PTPRE: variants seen among roughly 807,000 people sequenced by gnomAD.
PTPRE encodes protein tyrosine phosphatase receptor type E.
A neutral mutation model predicts 102.0 loss-of-function variants in PTPRE; 51 were observed. The observed-to-expected ratio is 0.50, with a 90% CI of 0.40 to 0.63. PTPRE has a LOEUF of 0.63. Ranked by LOEUF, PTPRE falls within the 30% of genes least tolerant of loss-of-function variation. The pLI, the probability that PTPRE is intolerant of heterozygous loss-of-function variation, is 0.00. For synonymous variants in PTPRE, 345 were observed against 348.2 expected, an observed-to-expected ratio of 0.99 and a Z score of 0.10; for missense variants, 752 against 915.1, an observed-to-expected ratio of 0.82 and a Z score of 2.30.
At chr10:127,946,978 G>C (rs1189979135) in intron 1 of PTPRE, among the ~76,000 whole-genome samples, 1 of 147,276 alleles carries the variant, frequency 6.8e-6, no homozygotes, top group Non-Finnish European at 1.5e-5. Flanking sequence ...CCATGATTGT[G>C]CCACTACACT....
chr10:127,988,636 TG>T (rs2135495000), intron 2 of PTPRE, among the ~76,000 whole-genome samples: 1 of 152,032 alleles, frequency 6.6e-6, no homozygotes, highest in South Asian at 2.1e-4. Flanking sequence ...CTCATACACA[TG>T]AACATAAAGA....
At chr10:127,909,186 G>C (rs1047546723) in intron 1 of PTPRE, among the ~76,000 whole-genome samples, 1 of 152,198 alleles carries the variant, frequency 6.6e-6, no homozygotes, top group African/African-American at 2.4e-5. Flanking sequence ...CTTCTCCAGG[G>C]ATGCGTGTGT....
intron 12 of PTPRE, chr10:128,069,444 C>A: frequency 1.9e-6 from 1 of 522,622 alleles, no homozygotes; most frequent in Non-Finnish European, 3.4e-6. Context: ...CAGCCTAATC[C>A]GAGGCTTACT....
At chr10:128,073,551 C>A in intron 17 of PTPRE, 80 bp downstream of exon 17, 1 of 1,496,856 alleles carries the variant, frequency 6.7e-7, no homozygotes, top group Non-Finnish European at 9.0e-7. Flanking sequence ...ACAAATGTCC[C>A]ACCTGCCATC....
chr10:128,025,879 G>A (rs1041165129), intron 2 of PTPRE, among the ~76,000 whole-genome samples: 2 of 152,204 alleles, frequency 1.3e-5, no homozygotes, highest in Admixed American at 6.5e-5. Context: ...AACACACCTG[G>A]CTTGTGTGTA....
At chr10:128,060,643 A>G (rs1849504482) in intron 7 of PTPRE, among the ~76,000 whole-genome samples, 1 of 152,302 alleles carries the variant, frequency 6.6e-6, no homozygotes, top group South Asian at 2.1e-4. Context: ...TATTCTTGCT[A>G]TGTAATGACC....
chr10:128,015,203 C>G (rs1845317307), intron 2 of PTPRE, among the ~76,000 whole-genome samples: 1 of 152,144 alleles, frequency 6.6e-6, no homozygotes, highest in African/African-American at 2.4e-5. Flanking sequence ...TTCATAGCAG[C>G]TTTGTTTATA....
At chr10:128,036,847 G>A (rs1385596455) in intron 2 of PTPRE, among the ~76,000 whole-genome samples, 1 of 152,142 alleles carries the variant, frequency 6.6e-6, no homozygotes, top group Non-Finnish European at 1.5e-5. Flanking sequence ...AAGGTGGGAG[G>A]TCTGGGATGG....
chr10:127,982,675 A>G (rs1033546717), intron 2 of PTPRE, among the ~76,000 whole-genome samples: 10 of 152,166 alleles, frequency 6.6e-5, no homozygotes. Context: ...TCAGGAGCGC[A>G]GGGGCACATA....
rs116401637 is a variant in PTPRE at position 127,920,388 on chromosome 10, G to A, written c.-31+13079G>A. Among the ~76,000 whole-genome samples the A allele has an allele frequency of 2.4e-3, 367 of 152,300 alleles. 1 individual carries two copies. The highest frequency in any genetic ancestry group is 8.3e-3 in the African/African-American group (345 of 41,562). Reference sequence around the variant, plus strand: ...ACTTTGCTCCCTGACCCCAGCCAGGGTACCAGTTCCCAGATTGCTGGTGGG... The same window carrying A: ...ACTTTGCTCCCTGACCCCAGCCAGGATACCAGTTCCCAGATTGCTGGTGGG... On this transcript the variant is annotated intron_variant, in intron 1 of 20. Coordinates refer to ENST00000254667, the MANE Select transcript of PTPRE (RefSeq NM_006504.6).
At chr10:127,994,577 T>C (rs1422626294) in intron 2 of PTPRE, among the ~76,000 whole-genome samples, 5 of 152,328 alleles carry the variant, frequency 3.3e-5, no homozygotes, top group African/African-American at 1.2e-4. Flanking sequence ...CTTTGTATCC[T>C]TTTAGGAGCA....
At chr10:128,024,843 A>C (rs1357162401) in intron 2 of PTPRE, among the ~76,000 whole-genome samples, 2 of 152,194 alleles carry the variant, frequency 1.3e-5, no homozygotes, top group Non-Finnish European at 2.9e-5. Context: ...ACAGGTGTGC[A>C]CTTGGGGCTT....
At chr10:127,908,383 T>A (rs1269421954) in intron 1 of PTPRE, among the ~76,000 whole-genome samples, 1 of 148,646 alleles carries the variant, frequency 6.7e-6, no homozygotes, top group Non-Finnish European at 1.5e-5. Flanking sequence ...CAAAGATGGA[T>A]GAAGTTCTGC....
chr10:128,069,662 A>G, intron 12 of PTPRE, 30 bp from the exon 13 acceptor site: 1 of 1,612,664 alleles, frequency 6.2e-7, no homozygotes. Context: ...AGTGTGACTC[A>G]CGACGCAGCA....
chr10:128,011,235 G>A (rs1048750623), intron 2 of PTPRE, among the ~76,000 whole-genome samples: 6 of 152,200 alleles, frequency 3.9e-5, no homozygotes, highest in African/African-American at 1.4e-4. Flanking sequence ...GCTGGGACAT[G>A]GGTGTGAGGA....
At position 128,070,240 on chromosome 10, in the gene PTPRE, C is replaced by G; in HGVS notation, c.1144-61C>G. On this transcript the variant is annotated intron_variant, in intron 13 of 20. Coordinates refer to ENST00000254667, the MANE Select transcript of PTPRE (RefSeq NM_006504.6). The surrounding 1 kb of genome is among the most constrained non-coding windows in gnomAD (Gnocchi z 4.8). ...GCCGCCCTCTTTGGTCTGCCAAGCT[C>G]CACGTGGGCCAAGACTGCAGGGCAG... is the stretch of plus-strand genomic sequence containing the variant. 6.6e-7 allele frequency: 1 copy of G among 1,524,220 alleles called. No individual in the cohort carries two copies. The highest frequency in any genetic ancestry group is 8.8e-7 in the Non-Finnish European group (1 of 1,134,048). 94.4% of individuals were successfully genotyped at this position (1,524,220 alleles called of 1,614,324 possible).
intron 2 of PTPRE, among the ~76,000 whole-genome samples, chr10:128,037,196 C>G (rs772293553): frequency 4.6e-5 from 7 of 152,176 alleles, no homozygotes; most frequent in Non-Finnish European, 7.4e-5. Flanking sequence ...GAGGACCTAC[C>G]CAATTCCTCT....
intron 2 of PTPRE, among the ~76,000 whole-genome samples, chr10:128,032,747 A>T (rs1846879347): frequency 6.6e-6 from 1 of 152,236 alleles, no homozygotes; most frequent in Admixed American, 6.5e-5. Flanking sequence ...TATCAGAAAC[A>T]TGAGAAATTA....
At chr10:128,037,252 T>C (rs1297023309) in intron 2 of PTPRE, among the ~76,000 whole-genome samples, 1 of 152,244 alleles carries the variant, frequency 6.6e-6, no homozygotes, top group Non-Finnish European at 1.5e-5. Context: ...GCCAGAGAAC[T>C]GTGAACTGCC....
Sources: allele counts gnomAD v4.1 joint callset (sites outside exome capture counted in the v4.1 genomes callset), GRCh38; gene constraint gnomAD v4.1.1; non-coding constraint Gnocchi (gnomAD v3.1); transcripts MANE v1.5; gene names NCBI Gene and HGNC (gene_info 2026-07-23, HGNC 2026-07-21).